The following KLHL29 variants were observed in gnomAD, a reference collection of about 807,000 sequenced individuals.
KLHL29 encodes kelch-like protein 29.
In KLHL29, 21 loss-of-function variants were observed where a neutral mutation model predicts 80.4. The ratio of observed to expected loss-of-function variants is 0.26; its 90% CI spans 0.19 to 0.38. The LOEUF is 0.38. Among genes scored for constraint, KLHL29 ranks in the 10% least tolerant of loss-of-function variants. KLHL29 has a pLI of 1.00. For missense variants in KLHL29, 867 were observed against 1,223.9 expected (o/e 0.71, Z 4.35); for synonymous variants, 511 against 526.8 (o/e 0.97, Z 0.41).
intron 3 of KLHL29, among the ~76,000 whole-genome samples, chr2:23,612,453 C>T (rs1312397461): frequency 2.0e-5 from 3 of 152,042 alleles, no homozygotes; most frequent in African/African-American, 7.2e-5. Context: ...AATTTGTCAC[C>T]AGAAAGCCTG....
chr2:23,432,405 G>A (rs1663206085), intron 1 of KLHL29, among the ~76,000 whole-genome samples: 1 of 152,166 alleles, frequency 6.6e-6, no homozygotes, highest in African/African-American at 2.4e-5. Context: ...TTTAAATGGG[G>A]AAGCTTTCTA....
chr2:23,545,240 T>C (rs1369866881), intron 2 of KLHL29, among the ~76,000 whole-genome samples: 4 of 152,102 alleles, frequency 2.6e-5, no homozygotes, highest in South Asian at 4.2e-4. Context: ...CAGGAAAAGA[T>C]AGAGAAAGAA....
intron 2 of KLHL29, among the ~76,000 whole-genome samples, chr2:23,561,919 G>C (rs1442217857): frequency 6.6e-6 from 1 of 152,138 alleles, no homozygotes. Context: ...ACTGTGACTG[G>C]GTTCAAATCC....
At chr2:23,673,529 T>TACACAC (rs1670829577) in intron 5 of KLHL29, among the ~76,000 whole-genome samples, 1 of 150,642 alleles carries the variant, frequency 6.6e-6, no homozygotes, top group African/African-American at 2.4e-5. Flanking sequence ...CACATATGCA[T>TACACAC]ACATGAGGGC....
intron 5 of KLHL29, among the ~76,000 whole-genome samples, chr2:23,679,536 A>G (rs1312111100): frequency 1.3e-5 from 2 of 151,692 alleles, no homozygotes; most frequent in Non-Finnish European, 2.9e-5. Flanking sequence ...GCCAGCCAAG[A>G]TTCAAAGGGT....
At chr2:23,637,654 G>C (rs184216075) in intron 3 of KLHL29, among the ~76,000 whole-genome samples, 16 of 152,046 alleles carry the variant, frequency 1.1e-4, no homozygotes, top group Admixed American at 1.0e-3. Flanking sequence ...GCTGTGTGTC[G>C]TCTGCACTAT....
intron 5 of KLHL29, among the ~76,000 whole-genome samples, chr2:23,675,494 G>C (rs1416345332): frequency 6.6e-6 from 1 of 152,218 alleles, no homozygotes; most frequent in Non-Finnish European, 1.5e-5. Context: ...CCATGAAAAT[G>C]ATCTGTTCTT....
chr2:23,452,278 T>C (rs1319897129), intron 1 of KLHL29, among the ~76,000 whole-genome samples: 1 of 151,542 alleles, frequency 6.6e-6, no homozygotes, highest in Admixed American at 6.6e-5. Context: ...AACCGCAGTC[T>C]CCCAAAGTGC....
At chr2:23,625,312 A>G (rs1338146730) in intron 3 of KLHL29, among the ~76,000 whole-genome samples, 1 of 152,236 alleles carries the variant, frequency 6.6e-6, no homozygotes, top group South Asian at 2.1e-4. Flanking sequence ...GCATATTTAA[A>G]TGCTTTTATT....
intron 3 of KLHL29, among the ~76,000 whole-genome samples, chr2:23,567,697 T>TCA (rs1667623874): frequency 6.6e-6 from 1 of 152,218 alleles, no homozygotes; most frequent in Non-Finnish European, 1.5e-5. Context: ...GGCCCATGAA[T>TCA]GGAGAGAGGA....
chr2:23,619,411 G>T (rs1669110386), intron 3 of KLHL29, among the ~76,000 whole-genome samples: 2 of 152,176 alleles, frequency 1.3e-5, no homozygotes, highest in South Asian at 2.1e-4. Flanking sequence ...GGAGAGTGGG[G>T]AGAAATGGGT....
At chr2:23,434,260 G>C (rs1285946108) in intron 1 of KLHL29, among the ~76,000 whole-genome samples, 1 of 142,874 alleles carries the variant, frequency 7.0e-6, no homozygotes, top group African/African-American at 2.6e-5. Context: ...GGCGGAGCTT[G>C]CAGTGAGCCG....
At chr2:23,665,067 G>A (rs928235414) in intron 5 of KLHL29, among the ~76,000 whole-genome samples, 2 of 152,272 alleles carry the variant, frequency 1.3e-5, no homozygotes, top group Non-Finnish European at 2.9e-5. Flanking sequence ...GGTGGCTGGT[G>A]GCTGAGCTAG....
intron 1 of KLHL29, among the ~76,000 whole-genome samples, chr2:23,444,606 G>GT (rs2103417344): frequency 6.6e-6 from 1 of 152,286 alleles, no homozygotes; most frequent in South Asian, 2.1e-4. Flanking sequence ...GATTACAGGC[G>GT]TGAACCACTG....
chr2:23,702,570 C>T (rs1299596170), intron 11 of KLHL29, among the ~76,000 whole-genome samples: 1 of 152,200 alleles, frequency 6.6e-6, no homozygotes, highest in Admixed American at 6.5e-5. Context: ...TTCCCATCCA[C>T]CTAGCTAGTA....
intron 2 of KLHL29, among the ~76,000 whole-genome samples, chr2:23,524,982 C>G (rs556356763): frequency 6.6e-6 from 1 of 152,312 alleles, no homozygotes; most frequent in South Asian, 2.1e-4. Flanking sequence ...ACTTAGTGAT[C>G]TCTAAAATGT....
chr2:23,549,787 C>G (rs527275954), intron 2 of KLHL29, among the ~76,000 whole-genome samples: 1 of 152,312 alleles, frequency 6.6e-6, no homozygotes, highest in South Asian at 2.1e-4. Flanking sequence ...TCCCCTCTGT[C>G]GGGGAGAGAT....
chr2:23,424,701 A>G (rs2103404431), intron 1 of KLHL29, among the ~76,000 whole-genome samples: 1 of 152,338 alleles, frequency 6.6e-6, no homozygotes, highest in African/African-American at 2.4e-5. Flanking sequence ...CAGATAATAC[A>G]GAGATAATTT....
chr2:23,637,131 C>T (rs1182800109), intron 3 of KLHL29, among the ~76,000 whole-genome samples: 1 of 152,166 alleles, frequency 6.6e-6, no homozygotes, highest in African/African-American at 2.4e-5. Context: ...AGGCTGGGAT[C>T]TTAGCATTCA....
Sources: allele counts gnomAD v4.1 joint callset (sites outside exome capture counted in the v4.1 genomes callset), GRCh38; gene constraint gnomAD v4.1.1; transcripts MANE v1.5; gene names NCBI Gene and HGNC (gene_info 2026-07-23, HGNC 2026-07-21).